Variants in ATF6 observed in about 807,000 individuals in gnomAD.
ATF6 encodes cyclic AMP-dependent transcription factor ATF-6 alpha.
A neutral mutation model predicts 83.6 loss-of-function variants in ATF6; 53 were observed. The ratio of observed to expected loss-of-function variants is 0.63; its 90% CI spans 0.51 to 0.80. The LOEUF (loss-of-function observed/expected upper bound fraction) is 0.80, where lower values mean the gene tolerates loss of function less well. Ranked by LOEUF, ATF6 falls within the 30% of genes least tolerant of loss-of-function variation. ATF6 has a pLI of 0.00. For missense variants in ATF6, 744 were observed against 797.9 expected (o/e 0.93, Z 0.81); for synonymous variants, 288 against 285.8 (o/e 1.01, Z -0.08).
intron 14 of ATF6, among the ~76,000 whole-genome samples, chr1:161,878,000 T>G (rs12025560): frequency 0.094 from 14,260 of 152,144 alleles, 1,243 homozygotes; most frequent in East Asian, 0.32. Context: ...ACATTTAAAT[T>G]TGAAATGTCT....
At chr1:161,919,867 G>A (rs1248942840) in intron 15 of ATF6, among the ~76,000 whole-genome samples, 1 of 152,190 alleles carries the variant, frequency 6.6e-6, no homozygotes, top group East Asian at 1.9e-4. Context: ...ACTAGTGCCA[G>A]CACATGCAAC....
intron 14 of ATF6, among the ~76,000 whole-genome samples, chr1:161,906,990 G>A (rs997508220): frequency 2.6e-5 from 4 of 151,818 alleles, no homozygotes; most frequent in Non-Finnish European, 4.4e-5. Flanking sequence ...CCCTAATTTT[G>A]TTTTTTGTAA....
chr1:161,818,283 G>A (rs567717745), intron 7 of ATF6, among the ~76,000 whole-genome samples: 2 of 152,244 alleles, frequency 1.3e-5, no homozygotes, highest in South Asian at 4.1e-4. Context: ...CGCTTTTTAT[G>A]CACTTAATTT....
At chr1:161,936,078 TAC>T (rs1197741201) in intron 15 of ATF6, among the ~76,000 whole-genome samples, 1 of 152,200 alleles carries the variant, frequency 6.6e-6, no homozygotes. Flanking sequence ...CTCATAGAAA[TAC>T]AGTTTCTTCA....
chr1:161,790,105 G>A (rs551523504), intron 4 of ATF6, among the ~76,000 whole-genome samples: 38 of 151,474 alleles, frequency 2.5e-4, no homozygotes, highest in Non-Finnish European at 3.4e-4. Context: ...TCTATTTTTC[G>A]CAAATATTTT....
At chr1:161,846,395 C>CAT (rs1184898461) in intron 9 of ATF6, 54 bp from the exon 10 acceptor site, 4 of 1,541,984 alleles carry the variant, frequency 2.6e-6, no homozygotes, top group Non-Finnish European at 3.5e-6. Context: ...ATGTAGCAGG[C>CAT]ATATGTGTGA....
At chr1:161,901,165 A>C (rs1053134590) in intron 14 of ATF6, among the ~76,000 whole-genome samples, 2 of 152,002 alleles carry the variant, frequency 1.3e-5, no homozygotes, top group Non-Finnish European at 2.9e-5. Flanking sequence ...TTTTTTTATA[A>C]TTTCAACTTT....
At chr1:161,843,092 G>T (rs1206927871) in intron 9 of ATF6, among the ~76,000 whole-genome samples, 1 of 152,218 alleles carries the variant, frequency 6.6e-6, no homozygotes, top group Non-Finnish European at 1.5e-5. Context: ...ACCCTGGACA[G>T]GGTGCCATCC....
chr1:161,883,059 A>G (rs932881363), intron 14 of ATF6, among the ~76,000 whole-genome samples: 2 of 151,938 alleles, frequency 1.3e-5, no homozygotes, highest in African/African-American at 4.8e-5. Flanking sequence ...TTTTAATGCT[A>G]TTATTTTCCT....
At position 161,792,220 on chromosome 1, in the gene ATF6, C is replaced by T; in HGVS notation, c.581C>T (p.Thr194Ile). 1 of 1,614,138 alleles carries T rather than the reference C, an allele frequency of 6.2e-7. No individual in the cohort carries two copies. ...LLLPAAPKTQ[T>I]NSSVPAKTII... ...CTTCCAGCAGCACCCAAGACTCAAA[C>T]AAACTCCAGTGTTCCAGCAAAAACC... Residue 194 changes from threonine (T) to isoleucine (I), a missense_variant, in exon 6 of 16, where the codon ACA becomes ATA. Thr to Ile is a moderately conservative substitution (Grantham distance 89). Coordinates refer to ENST00000367942, the MANE Select transcript of ATF6 (RefSeq NM_007348.4).
At chr1:161,847,246 A>T (rs150475759) in intron 10 of ATF6, among the ~76,000 whole-genome samples, 64 of 152,320 alleles carry the variant, frequency 4.2e-4, no homozygotes, top group African/African-American at 1.5e-3. Flanking sequence ...TTGACTAACA[A>T]GGCAAAGGGA....
intron 9 of ATF6, among the ~76,000 whole-genome samples, chr1:161,824,456 T>G (rs528247297): frequency 1.3e-5 from 2 of 151,814 alleles, no homozygotes; most frequent in African/African-American, 4.8e-5. Context: ...TAAATGTCTA[T>G]CCCAGCTCCT....
intron 15 of ATF6, among the ~76,000 whole-genome samples, chr1:161,953,501 A>T (rs1214823607): frequency 6.6e-6 from 1 of 152,198 alleles, no homozygotes; most frequent in Non-Finnish European, 1.5e-5. Context: ...CCCAGTGTCC[A>T]CAATACCCTT....
chr1:161,910,268 T>C (rs1284593366), intron 14 of ATF6, among the ~76,000 whole-genome samples: 1 of 152,178 alleles, frequency 6.6e-6, no homozygotes, highest in Non-Finnish European at 1.5e-5. Flanking sequence ...TATACCAGCT[T>C]TGGTTCCCTG....
intron 14 of ATF6, among the ~76,000 whole-genome samples, chr1:161,881,530 A>C (rs1687327156): frequency 6.6e-6 from 1 of 152,134 alleles, no homozygotes; most frequent in African/African-American, 2.4e-5. Flanking sequence ...GATACAGATG[A>C]ATAGCCCGAT....
intron 1 of ATF6, among the ~76,000 whole-genome samples, chr1:161,767,572 G>A (rs1684293919): frequency 6.6e-6 from 1 of 152,132 alleles, no homozygotes; most frequent in Admixed American, 6.5e-5. Flanking sequence ...CCTACCAACA[G>A]TCCAATGAGG....
At chr1:161,827,170 A>G (rs1221720902) in intron 9 of ATF6, among the ~76,000 whole-genome samples, 2 of 152,040 alleles carry the variant, frequency 1.3e-5, no homozygotes, top group African/African-American at 2.4e-5. Context: ...TGACCTTGTG[A>G]TCTGCCCACC....
rs1438294498 is a variant in ATF6 at position 161,959,435 on chromosome 1, C to G, written c.*781C>G. ...CCTGTAATCCCAGCACTTTGGGAGG[C>G]CGAGGCGGGTGGATCACGAGGTCAG... is the stretch of plus-strand genomic sequence containing the variant. On this transcript the variant is annotated 3_prime_UTR_variant, in exon 16 of 16. Transcript: ENST00000367942. 6.6e-6 allele frequency: 1 copy of G among 152,026 alleles called. No individual in the cohort carries two copies. The highest frequency in any genetic ancestry group is 2.4e-5 in the African/African-American group (1 of 41,360). The allele number at this position is 152,026 out of a possible 1,614,324, so 9.4% of individuals were successfully genotyped here.
chr1:161,859,455 G>A lies in ATF6; in HGVS notation c.1534-752G>A, dbSNP rs570380524. ...GGCACATGTAGGTGCTTTGATTACT[G>A]AAAGATGGATATATGGACACAGTAA... is the stretch of plus-strand genomic sequence containing the variant. On this transcript the variant is annotated intron_variant, in intron 12 of 15. Transcript: ENST00000367942. Among the ~76,000 whole-genome samples the A allele has an allele frequency of 4.6e-5, 7 of 152,306 alleles. No homozygotes were observed. In the East Asian group the frequency reaches 1.4e-3, roughly 29 times the overall value.
Sources: gnomAD v4.1 joint callset for allele counts (sites outside exome capture counted in the v4.1 genomes callset) on GRCh38, gnomAD v4.1.1 for gene constraint, MANE v1.5 for transcripts, NCBI Gene and HGNC (gene_info 2026-07-23, HGNC 2026-07-21) for gene names.